Variants in SLC12A5 observed in about 807,000 individuals in gnomAD.
SLC12A5 encodes the protein K-Cl cotransporter 2.
In SLC12A5, 18 loss-of-function variants were observed where a neutral mutation model predicts 124.0. That is an observed-to-expected ratio of 0.15 (90% CI 0.10 to 0.22). SLC12A5 has a LOEUF of 0.22. SLC12A5 is among the 10% of genes least tolerant of loss of function. The pLI is 1.00. For missense variants in SLC12A5, 867 were observed against 1,478.7 expected, an observed-to-expected ratio of 0.59 and a Z score of 6.78; for synonymous variants, 589 against 568.0, an observed-to-expected ratio of 1.04 and a Z score of -0.53.
chr20:46,055,958 T>C (rs2084686706), intron 21 of SLC12A5, 192 bp from the exon 22 acceptor site: 2 of 708,170 alleles, frequency 2.8e-6, no homozygotes, highest in Non-Finnish European at 4.6e-6. Context: ...AGGTCTGGGG[T>C]TCTGGAGAGG....
intron 6 of SLC12A5, 85 bp downstream of exon 6, chr20:46,037,470 C>T: frequency 7.1e-7 from 1 of 1,403,932 alleles, no homozygotes; most frequent in Non-Finnish European, 9.4e-7. Context: ...ATAGGCCAGG[C>T]CATTCAGTGA....
At chr20:46,043,022 T>G in intron 8 of SLC12A5, 131 bp from the exon 9 acceptor site, 1 of 891,626 alleles carries the variant, frequency 1.1e-6, no homozygotes, top group Non-Finnish European at 1.8e-6. Flanking sequence ...GGAAATGAAA[T>G]AGAGATAAGG....
At chr20:46,049,539 C>T in intron 16 of SLC12A5, 83 bp from the exon 17 acceptor site, 1 of 1,504,050 alleles carries the variant, frequency 6.6e-7, no homozygotes, top group Non-Finnish European at 9.0e-7. Context: ...GGAGAGATGG[C>T]TAGATGACCT....
At chr20:46,036,098 C>T (rs1600591458) in intron 4 of SLC12A5, 175 bp downstream of exon 4, 1 of 709,246 alleles carries the variant, frequency 1.4e-6, no homozygotes, top group Non-Finnish European at 2.2e-6. Context: ...ACAGGCTTGT[C>T]CTTGATGGCT....
upstream of SLC12A5, among the ~76,000 whole-genome samples, chr20:46,025,315 A>G (rs2084387977): frequency 6.6e-6 from 1 of 152,150 alleles, no homozygotes; most frequent in Admixed American, 6.5e-5. Context: ...AGTCTGTCTA[A>G]GGAGATCTCC....
At chr20:46,050,530 C>T (rs2084637825) in intron 17 of SLC12A5, among the ~76,000 whole-genome samples, 1 of 143,222 alleles carries the variant, frequency 7.0e-6, no homozygotes, top group Non-Finnish European at 1.5e-5. Context: ...GAAAAAGAGG[C>T]CCGAAGGAGC....
chr20:46,047,328 C>T, intron 14 of SLC12A5, 126 bp from the exon 15 acceptor site: 2 of 1,286,922 alleles, frequency 1.6e-6, no homozygotes, highest in African/African-American at 1.5e-5. Context: ...GTGAGTTCCC[C>T]TAGACCGGGC....
intron 6 of SLC12A5, 93 bp from the exon 7 acceptor site, chr20:46,040,280 G>A (rs1482499832): frequency 1.3e-6 from 2 of 1,546,816 alleles, no homozygotes; most frequent in Non-Finnish European, 1.7e-6. Flanking sequence ...CACTGTGACT[G>A]TGCTGTGATG....
At chr20:46,036,492 A>G in intron 4 of SLC12A5, 1 of 419,004 alleles carries the variant, frequency 2.4e-6, no homozygotes, top group Non-Finnish European at 4.5e-6. Context: ...CTGGTCTGAG[A>G]CCAGGCTGGG....
At chr20:46,030,868 C>T (rs2084443528) in intron 1 of SLC12A5, among the ~76,000 whole-genome samples, 1 of 150,968 alleles carries the variant, frequency 6.6e-6, no homozygotes, top group African/African-American at 2.4e-5. Context: ...TATACAGGTG[C>T]CAGAACTCCT....
intron 8 of SLC12A5, among the ~76,000 whole-genome samples, chr20:46,041,845 A>G (rs2084550502): frequency 1.3e-5 from 2 of 152,214 alleles, no homozygotes; most frequent in South Asian, 4.1e-4. Context: ...CCTGGCCTCA[A>G]GGAGACTAAT....
intron 1 of SLC12A5, among the ~76,000 whole-genome samples, chr20:46,030,702 G>A (rs1204852480): frequency 6.6e-6 from 1 of 152,164 alleles, no homozygotes; most frequent in African/African-American, 2.4e-5. Flanking sequence ...TCTAGGGATT[G>A]GCAACCTTGA....
At chr20:46,044,354 T>C (rs774520217) in intron 11 of SLC12A5, among the ~76,000 whole-genome samples, 1 of 152,106 alleles carries the variant, frequency 6.6e-6, no homozygotes, top group Non-Finnish European at 1.5e-5. Flanking sequence ...AGACTTTAAG[T>C]GCAGTCGGTA....
Position 46,041,374 on chromosome 20 carries a change from T to C in SLC12A5, c.900T>C (p.Asp300=), listed in dbSNP as rs765877175. ...GNRTLSRHGF[D]VCAKLAWEGN... is the part of the protein sequence containing the mutation. ...GCACGCTGTCTCGCCATGGCTTTGA[T>C]GTCTGTGCCAAGCTGGCTTGGGAAG... Residue 300 remains aspartate (D), a synonymous_variant, in exon 8 of 26, where the codon GAT becomes GAC. Transcript: ENST00000243964. The C allele has an allele frequency of 3.7e-6, 6 of 1,614,174 alleles. No homozygotes were observed. Among genetic ancestry groups the C allele is most frequent in the Non-Finnish European group, 5.1e-6 (6 of 1,180,018 alleles).
Position 46,041,418 on chromosome 20 carries a change from C to T in SLC12A5, c.944C>T (p.Thr315Ile), listed in dbSNP as rs2145489127. Reference sequence around the variant, plus strand: ...TGGGAAGGAAATGAGACGGTGACCACACGGCTATGGGGCCTTTTCTGCTCC... The same window carrying T: ...TGGGAAGGAAATGAGACGGTGACCATACGGCTATGGGGCCTTTTCTGCTCC... ...LAWEGNETVTTRLWGLFCSSR... is the reference protein window; with the variant it reads ...LAWEGNETVTIRLWGLFCSSR... Residue 315 changes from threonine to isoleucine, a missense_variant, in exon 8 of 26, where the codon ACA (threonine) becomes ATA (isoleucine). Physicochemically the swap from Thr to Ile is moderately conservative, Grantham distance 89 (BLOSUM62 -1). Transcript: ENST00000243964. 1 of 1,614,172 alleles carries T rather than the reference C, an allele frequency of 6.2e-7. No individual in the cohort carries two copies. The highest frequency in any genetic ancestry group is 8.5e-7 in the Non-Finnish European group (1 of 1,180,018).
rs969784669 is a variant in SLC12A5, at chr20:46,045,745, G to C, written c.1570-133G>C. On this transcript the variant is annotated intron_variant, in intron 12 of 25. Coordinates refer to ENST00000243964, the MANE Select transcript of SLC12A5 (RefSeq NM_020708.5). This position sits in a 1 kb window ranked among gnomAD's most constrained non-coding sequence, Gnocchi z 4.9. ...ATCCATTTGCATTCTCCTGGAGGAA[G>C]AGAAATGCATCCTCTCCCTTCCTCC... is the stretch of plus-strand genomic sequence containing the variant. 1.4e-6 allele frequency: 1 copy of C among 690,202 alleles called. No individual in the cohort carries two copies. Among genetic ancestry groups the C allele is most frequent in the Admixed American group, 2.8e-5 (1 of 35,714 alleles). The allele number at this position is 690,202 out of a possible 1,614,324, so 42.8% of individuals were successfully genotyped here.
intron 1 of SLC12A5, among the ~76,000 whole-genome samples, chr20:46,032,197 C>T (rs1196211976): frequency 6.6e-6 from 1 of 152,240 alleles, no homozygotes; most frequent in East Asian, 1.9e-4. Flanking sequence ...GCGCTCTCGG[C>T]CTGCGCGGTC....
chr20:46,049,186 G>A (rs1260735572), intron 16 of SLC12A5, among the ~76,000 whole-genome samples: 1 of 152,198 alleles, frequency 6.6e-6, no homozygotes, highest in Non-Finnish European at 1.5e-5. Flanking sequence ...AGAATGCTAC[G>A]AAGTTGATAG....
At chr20:46,040,010 T>C (rs565979859) in intron 6 of SLC12A5, among the ~76,000 whole-genome samples, 2 of 152,352 alleles carry the variant, frequency 1.3e-5, no homozygotes, top group Admixed American at 6.5e-5. Context: ...TCCAGCATCC[T>C]TGCAATGTCA....
Sources: gnomAD v4.1 joint callset for allele counts (sites outside exome capture counted in the v4.1 genomes callset) on GRCh38, gnomAD v4.1.1 for gene constraint, Gnocchi (gnomAD v3.1) non-coding constraint, MANE v1.5 for transcripts, NCBI Gene and HGNC (gene_info 2026-07-23, HGNC 2026-07-21) for gene names.